The following AFAP1L2 variants were observed in gnomAD, a reference collection of about 807,000 sequenced individuals.
The protein encoded by AFAP1L2 is actin filament associated protein 1 like 2.
In AFAP1L2, 46 loss-of-function variants were observed where a neutral mutation model predicts 99.3. The observed-to-expected ratio is 0.46, with a 90% CI of 0.37 to 0.59. AFAP1L2 has a LOEUF of 0.59. AFAP1L2 is among the 20% of genes least tolerant of loss of function. The pLI is 0.00. For synonymous variants in AFAP1L2, 397 were observed against 419.1 expected (o/e 0.95, Z 0.64); for missense variants, 959 against 1,034.9 (o/e 0.93, Z 1.01).
chr10:114,319,427 C>T (rs1387383111), intron 5 of AFAP1L2: 20 of 588,496 alleles, frequency 3.4e-5, no homozygotes, highest in South Asian at 3.1e-4. Flanking sequence ...GAAGATCGCA[C>T]GTGGCATGCA....
In AFAP1L2 at chr10:114,295,926, A is replaced by AGTC. The variant is rs2040140434; in HGVS notation, c.*113_*115dup. 2 of 1,595,492 alleles carry AGTC rather than the reference A, an allele frequency of 1.3e-6. No individual in the cohort carries two copies. Among genetic ancestry groups the AGTC allele is most frequent in the Non-Finnish European group, 1.7e-6 (2 of 1,169,420 alleles). ...TGAAGCTCTCCATTCACAGTACCTC[A>AGTC]GTCTTTGCTTTTTCTTCTAAACAGA... On this transcript the variant is annotated 3_prime_UTR_variant, in exon 19 of 19. Transcript: ENST00000304129.
At position 114,304,926 on chromosome 10, in the gene AFAP1L2, G is replaced by A; in HGVS notation, c.1077C>T (p.Tyr359=). ...ACTGGCTGTTCACCAGCACGTTCAG[G>A]TAACCTGCAGGAGGAAGTGCAGATG... ...PVERSLETSS[Y]LNVLVNSQWK... Residue 359 remains tyrosine, a synonymous_variant, in exon 11 of 19, where the codon TAC becomes TAT. Transcript: ENST00000304129. The A allele has an allele frequency of 6.3e-7, 1 of 1,585,342 alleles. No homozygotes were observed. The highest frequency in any genetic ancestry group is 8.6e-7 in the Non-Finnish European group (1 of 1,162,184).
rs1182865867 is a variant in AFAP1L2 at position 114,377,374 on chromosome 10, T to C, written c.16+27066A>G. Among the ~76,000 whole-genome samples, 1 of 152,212 alleles carries C rather than the reference T, an allele frequency of 6.6e-6. No individual in the cohort carries two copies. The highest frequency in any genetic ancestry group is 1.5e-5 in the Non-Finnish European group (1 of 68,036). Reference sequence around the variant, plus strand: ...GCATGATTTAGAAACTAGATGACTTTGGGTCAAGTCTGATCAAAGACAGTG... The same window carrying C: ...GCATGATTTAGAAACTAGATGACTTCGGGTCAAGTCTGATCAAAGACAGTG... On this transcript the variant is annotated intron_variant, in intron 1 of 18. Coordinates refer to ENST00000304129, the MANE Select transcript of AFAP1L2 (RefSeq NM_001001936.3). The surrounding 1 kb of genome is among the most constrained non-coding windows in gnomAD (Gnocchi z 4.0).
intron 7 of AFAP1L2, among the ~76,000 whole-genome samples, 187 bp from the exon 8 acceptor site, chr10:114,310,630 G>A (rs1252362174): frequency 2.0e-5 from 3 of 152,208 alleles, no homozygotes; most frequent in African/African-American, 4.8e-5. Flanking sequence ...GACCCAGCTG[G>A]GCAGGCTGCA....
chr10:114,295,878 A>C lies in AFAP1L2; in HGVS notation c.*164T>G. 1 of 1,490,108 alleles carries C rather than the reference A, an allele frequency of 6.7e-7. No homozygotes were observed. Among genetic ancestry groups the C allele is most frequent in the South Asian group, 1.4e-5 (1 of 69,048 alleles). 92.3% of individuals were successfully genotyped at this position (1,490,108 alleles called of 1,614,324 possible). On this transcript the variant is annotated 3_prime_UTR_variant, in exon 19 of 19. Coordinates refer to ENST00000304129, the MANE Select transcript of AFAP1L2 (RefSeq NM_001001936.3). The stretch of plus-strand genomic sequence containing the variant: ...TTGTATTATTTCCTTTGGCTCTGAA[A>C]AGGGACAGAGCCTCCTCTTAGCTGA...
At chr10:114,362,364 A>G (rs1421629529) in intron 1 of AFAP1L2, among the ~76,000 whole-genome samples, 1 of 152,194 alleles carries the variant, frequency 6.6e-6, no homozygotes, top group Non-Finnish European at 1.5e-5. Flanking sequence ...ATCTTGAGAT[A>G]AGGTTATCCT....
intron 4 of AFAP1L2, among the ~76,000 whole-genome samples, chr10:114,327,925 C>A (rs1323007347): frequency 6.6e-6 from 1 of 152,236 alleles, no homozygotes; most frequent in East Asian, 1.9e-4. Flanking sequence ...CAGGCCCAGC[C>A]TCCGAGGCTA....
chr10:114,372,664 T>C (rs1196136967), intron 1 of AFAP1L2, among the ~76,000 whole-genome samples: 2 of 151,806 alleles, frequency 1.3e-5, no homozygotes, highest in Non-Finnish European at 2.9e-5. Context: ...TATGTATACA[T>C]ATTTATATGC....
chr10:114,335,361 C>T lies in AFAP1L2; in HGVS notation c.146-2066G>A, dbSNP rs964681054. Among the ~76,000 whole-genome samples, 4 of 151,916 alleles carry T rather than the reference C, an allele frequency of 2.6e-5. No individual in the cohort carries two copies. In the East Asian group the frequency reaches 7.7e-4, roughly 29 times the overall value. On this transcript the variant is annotated intron_variant, in intron 2 of 18. Coordinates refer to ENST00000304129, the MANE Select transcript of AFAP1L2 (RefSeq NM_001001936.3). ...GGCACGGTGGCTCACATCTGTAATC[C>T]CAGCACTTTGGGAGGCCAAGGTGGG...
At chr10:114,362,398 C>A (rs1299183231) in intron 1 of AFAP1L2, among the ~76,000 whole-genome samples, 2 of 152,132 alleles carry the variant, frequency 1.3e-5, no homozygotes, top group African/African-American at 4.8e-5. Context: ...GCTCTGCACC[C>A]AGCGACTGGG....
At chr10:114,311,038 C>T (rs1445734721) in intron 7 of AFAP1L2, among the ~76,000 whole-genome samples, 2 of 133,310 alleles carry the variant, frequency 1.5e-5, no homozygotes, top group African/African-American at 5.6e-5. Flanking sequence ...TCTGTAAAGG[C>T]TGGACACAGA....
intron 1 of AFAP1L2, among the ~76,000 whole-genome samples, chr10:114,381,318 T>C (rs2055588092): frequency 6.6e-6 from 1 of 152,144 alleles, no homozygotes; most frequent in Admixed American, 6.6e-5. Context: ...CAAAAGAAAG[T>C]TCAGAATAGG....
downstream of AFAP1L2, chr10:114,290,387 T>TATG (rs2039458294): frequency 6.5e-7 from 1 of 1,549,816 alleles, no homozygotes; most frequent in African/African-American, 1.4e-5. Context: ...TCTTGCTCTG[T>TATG]ATGTGTGAGC....
intron 1 of AFAP1L2, among the ~76,000 whole-genome samples, chr10:114,403,600 G>C (rs1024171099): frequency 6.6e-6 from 1 of 152,184 alleles, no homozygotes; most frequent in Non-Finnish European, 1.5e-5. Flanking sequence ...TCCTCTTAAG[G>C]GGCAACTCCC....
At chr10:114,342,880 C>T (rs995051004) in intron 1 of AFAP1L2, among the ~76,000 whole-genome samples, 5 of 152,248 alleles carry the variant, frequency 3.3e-5, no homozygotes, top group African/African-American at 1.2e-4. Flanking sequence ...CTGTCTGTGT[C>T]GCCATTTAGC....
intron 12 of AFAP1L2, chr10:114,301,890 G>A (rs761956434): frequency 1.4e-4 from 36 of 254,160 alleles, no homozygotes; most frequent in Middle Eastern, 2.7e-3. Context: ...TGGCTCAGCC[G>A]GCTTCCACGA....
At chr10:114,329,503 C>T (rs1483739741) in intron 4 of AFAP1L2, among the ~76,000 whole-genome samples, 1 of 152,216 alleles carries the variant, frequency 6.6e-6, no homozygotes, top group Non-Finnish European at 1.5e-5. Context: ...GGCACTTCCA[C>T]TAGCAAAGCC....
At chr10:114,331,522 G>C (rs2047229658) in intron 4 of AFAP1L2, among the ~76,000 whole-genome samples, 1 of 152,164 alleles carries the variant, frequency 6.6e-6, no homozygotes, top group African/African-American at 2.4e-5. Flanking sequence ...TCATGGCCCT[G>C]TTCACATGGT....
the AFAP1L2 span, chr10:114,285,830 A>G: frequency 2.4e-6 from 3 of 1,225,196 alleles, no homozygotes; most frequent in Admixed American, 2.9e-5. Context: ...GGGGGCCCAC[A>G]GTTTCTCTGC....
Sources: allele counts gnomAD v4.1 joint callset (sites outside exome capture counted in the v4.1 genomes callset), GRCh38; gene constraint gnomAD v4.1.1; non-coding constraint Gnocchi (gnomAD v3.1); transcripts MANE v1.5; gene names NCBI Gene and HGNC (gene_info 2026-07-23, HGNC 2026-07-21).